The following SNCB variants were observed in gnomAD, a reference collection of about 807,000 sequenced individuals.
SNCB encodes synuclein beta, also known as beta-synuclein.
A neutral mutation model predicts 20.0 loss-of-function variants in SNCB; 8 were observed. The ratio of observed to expected loss-of-function variants is 0.40; its 90% CI spans 0.24 to 0.72. SNCB has a LOEUF of 0.72. Ranked by LOEUF, SNCB falls within the 30% of genes least tolerant of loss-of-function variation. The pLI, the probability that SNCB is intolerant of heterozygous loss-of-function variation, is 0.37. For synonymous variants in SNCB, 56 were observed against 65.4 expected, an observed-to-expected ratio of 0.86 and a Z score of 0.69; for missense variants, 125 against 168.0, an observed-to-expected ratio of 0.74 and a Z score of 1.41.
Position 176,626,833 on chromosome 5 carries a change from ATTACAGAGTGGGCATCCT to A in SNCB, c.122-90_122-73del. 6.5e-7 allele frequency: 1 copy of A among 1,541,736 alleles called. No individual in the cohort carries two copies. Among genetic ancestry groups the A allele is most frequent in the African/African-American group, 1.4e-5 (1 of 73,558 alleles). The stretch of plus-strand genomic sequence containing the variant: ...ACAGAAACTCCAGCACAGCATGGTG[ATTACAGAGTGGGCATCCT>A]GGCCCCGTCACTGCCTCCTTGGGTC... On this transcript the variant is annotated intron_variant, in intron 2 of 5. Transcript: ENST00000393693. This position sits in a 1 kb window ranked among gnomAD's most constrained non-coding sequence, Gnocchi z 4.2.
rs1759583068 is a variant in SNCB, at chr5:176,621,334, G to A, written c.283-31C>T. ...GGCAGAAAAGGTCAGGACTCGTGAG[G>A]ACAGCCAGGATGCCCCCCAAATTCC... On this transcript the variant is annotated intron_variant, in intron 4 of 5. Coordinates refer to ENST00000393693, the MANE Select transcript of SNCB (RefSeq NM_003085.5). The surrounding 1 kb of genome is among the most constrained non-coding windows in gnomAD (Gnocchi z 4.1). 6.3e-7 allele frequency: 1 copy of A among 1,579,904 alleles called. No individual in the cohort carries two copies. Among genetic ancestry groups the A allele is most frequent in the Non-Finnish European group, 8.7e-7 (1 of 1,155,076 alleles).
intron 4 of SNCB, among the ~76,000 whole-genome samples, chr5:176,625,833 T>C (rs572257336): frequency 2.2e-4 from 34 of 152,264 alleles, no homozygotes; most frequent in Admixed American, 2.2e-3. Flanking sequence ...GGGTGTCAGC[T>C]CAAATGGTTC....
chr5:176,620,394 TA>T lies in SNCB; in HGVS notation c.*416del, dbSNP rs566553148. 0.043 allele frequency: 7,366 copies of T among 171,960 alleles called. 99 individuals carry two copies. The highest frequency in any genetic ancestry group is 0.11 in the Admixed American group (1,898 of 16,772). 10.7% of individuals were successfully genotyped at this position (171,960 alleles called of 1,614,324 possible). On this transcript the variant is annotated 3_prime_UTR_variant, in exon 6 of 6. Coordinates refer to ENST00000393693, the MANE Select transcript of SNCB (RefSeq NM_003085.5). The surrounding 1 kb of genome is among the most constrained non-coding windows in gnomAD (Gnocchi z 4.5). Reference sequence around the variant, plus strand: ...GCACAGCCTGGCTCCTGGTTTTGGTTAAAAAAAAAAAGGTTCTCGAGGTTAA... The same window carrying T: ...GCACAGCCTGGCTCCTGGTTTTGGTTAAAAAAAAAAGGTTCTCGAGGTTAA...
At chr5:176,628,388 C>T (rs1307105695) in intron 2 of SNCB, among the ~76,000 whole-genome samples, 3 of 152,296 alleles carry the variant, frequency 2.0e-5, no homozygotes, top group African/African-American at 7.2e-5. Flanking sequence ...CCCCTGCCAC[C>T]CTCATCCTGT....
intron 4 of SNCB, among the ~76,000 whole-genome samples, chr5:176,625,370 A>C (rs923322): frequency 0.99 from 150,186 of 152,338 alleles, 74,068 homozygotes; most frequent in Middle Eastern, 1. Flanking sequence ...ATGGGGCCAA[A>C]AATCTGTATT....
chr5:176,622,910 T>A (rs181221665), intron 4 of SNCB, among the ~76,000 whole-genome samples: 15 of 151,912 alleles, frequency 9.9e-5, no homozygotes, highest in Non-Finnish European at 2.1e-4. Context: ...CTAATTTTTG[T>A]ATTTTTAGTA....
In SNCB at chr5:176,629,755, G is replaced by C; in HGVS notation, c.-9-92C>G. 2 of 1,496,362 alleles carry C rather than the reference G, an allele frequency of 1.3e-6. No homozygotes were observed. The highest frequency in any genetic ancestry group is 1.8e-6 in the Non-Finnish European group (2 of 1,113,778). The allele number at this position is 1,496,362 out of a possible 1,614,324, so 92.7% of individuals were successfully genotyped here. ...GACGCAGATGCCCCCCTACTCCCGA[G>C]ACCGCGGCGCCCTTCTGGACCCTGA... On this transcript the variant is annotated intron_variant, in intron 1 of 5. Coordinates refer to ENST00000393693, the MANE Select transcript of SNCB (RefSeq NM_003085.5). This position sits in a 1 kb window ranked among gnomAD's most constrained non-coding sequence, Gnocchi z 4.1.
chr5:176,624,838 G>A (rs1759843642), intron 4 of SNCB, among the ~76,000 whole-genome samples: 1 of 148,344 alleles, frequency 6.7e-6, no homozygotes, highest in Admixed American at 6.8e-5. Context: ...CAAATGGGAA[G>A]TCATACAGAT....
chr5:176,622,198 C>T (rs572486501), intron 4 of SNCB, among the ~76,000 whole-genome samples: 5 of 152,370 alleles, frequency 3.3e-5, no homozygotes, highest in Admixed American at 6.5e-5. Context: ...ACATGAGTTT[C>T]CAGCTCCTGA....
At position 176,621,213 on chromosome 5, in the gene SNCB, C is replaced by T. The variant is rs1456684195; in HGVS notation, c.372+1G>A. 2 of 1,610,840 alleles carry T rather than the reference C, an allele frequency of 1.2e-6. No individual in the cohort carries two copies. Among genetic ancestry groups the T allele is most frequent in the Non-Finnish European group, 1.7e-6 (2 of 1,177,994 alleles). On this transcript the variant is annotated splice_donor_variant, in intron 5 of 5. Coordinates refer to ENST00000393693, the MANE Select transcript of SNCB (RefSeq NM_003085.5). LOFTEE classifies it high-confidence loss of function. The surrounding 1 kb of genome is among the most constrained non-coding windows in gnomAD (Gnocchi z 4.1). ...CCCGCCCAGCCCTGCTGCCCCCTCA[C>T]CTGGGGTGGGTCCTCATAACTCTCC...
rs1561893804 is a variant in SNCB, at chr5:176,620,470, C to T, written c.*341G>A. The T allele has an allele frequency of 2.8e-5, 10 of 351,174 alleles. No homozygotes were observed. The allele number at this position is 351,174 out of a possible 1,614,324, so 21.8% of individuals were successfully genotyped here. A position where few individuals can be genotyped will look rare whatever the true frequency, so the allele number is the denominator to read the frequency against. On this transcript the variant is annotated 3_prime_UTR_variant, in exon 6 of 6. Transcript: ENST00000393693. This position sits in a 1 kb window ranked among gnomAD's most constrained non-coding sequence, Gnocchi z 4.5. ...GGCTGCCCGGGGGCCGCTTGGAGAG[C>T]CACTGTCGGGGATCGGGGAGGAGCC... is the stretch of plus-strand genomic sequence containing the variant.
chr5:176,629,509 C>A lies in SNCB; in HGVS notation c.121+25G>T, dbSNP rs1459143730. 1 of 1,611,172 alleles carries A rather than the reference C, an allele frequency of 6.2e-7. No individual in the cohort carries two copies. Among genetic ancestry groups the A allele is most frequent in the South Asian group, 1.1e-5 (1 of 90,728 alleles). On this transcript the variant is annotated intron_variant, in intron 2 of 5. Coordinates refer to ENST00000393693, the MANE Select transcript of SNCB (RefSeq NM_003085.5). This position sits in a 1 kb window ranked among gnomAD's most constrained non-coding sequence, Gnocchi z 4.1. ...GTCGGGGGACCCCCAGCCCTGCAGCCCCAGAAACCCCGCCCCTTACCCACC... is the reference window on the plus strand; with the variant it reads ...GTCGGGGGACCCCCAGCCCTGCAGCACCAGAAACCCCGCCCCTTACCCACC...
chr5:176,629,283 C>T lies in SNCB; in HGVS notation c.121+251G>A, dbSNP rs1009687445. Among the ~76,000 whole-genome samples the T allele has an allele frequency of 2.6e-5, 4 of 152,200 alleles. No individual in the cohort carries two copies. The highest frequency in any genetic ancestry group is 4.4e-5 in the Non-Finnish European group (3 of 68,044). ...TAAGAAAAAGGAGGCTGTCTGCTTT[C>T]ATCACTGCACTGGTCCCTGGCCTTT... is the stretch of plus-strand genomic sequence containing the variant. On this transcript the variant is annotated intron_variant, in intron 2 of 5. Coordinates refer to ENST00000393693, the MANE Select transcript of SNCB (RefSeq NM_003085.5). This position sits in a 1 kb window ranked among gnomAD's most constrained non-coding sequence, Gnocchi z 4.1.
intron 2 of SNCB, among the ~76,000 whole-genome samples, chr5:176,628,940 A>G (rs568569764): frequency 6.6e-6 from 1 of 152,342 alleles, no homozygotes; most frequent in South Asian, 2.1e-4. Flanking sequence ...GAGAGCTGGC[A>G]AAGGTAAAAC....
intron 4 of SNCB, among the ~76,000 whole-genome samples, chr5:176,625,434 T>C (rs1759880079): frequency 6.6e-6 from 1 of 152,240 alleles, no homozygotes; most frequent in African/African-American, 2.4e-5. Context: ...AATATCTATA[T>C]TATCTCCAAT....
chr5:176,622,837 A>G (rs1315813028), intron 4 of SNCB, among the ~76,000 whole-genome samples: 2 of 145,526 alleles, frequency 1.4e-5, no homozygotes, highest in African/African-American at 5.1e-5. Context: ...CCTGGGTTCC[A>G]GCGATTCTCC....
Position 176,621,324 on chromosome 5 carries a change from G to A in SNCB, c.283-21C>T, listed in dbSNP as rs1044980969. The A allele has an allele frequency of 6.3e-7, 1 of 1,596,830 alleles. No homozygotes were observed. The highest frequency in any genetic ancestry group is 8.6e-7 in the Non-Finnish European group (1 of 1,168,080). On this transcript the variant is annotated intron_variant, in intron 4 of 5. Transcript: ENST00000393693. This position sits in a 1 kb window ranked among gnomAD's most constrained non-coding sequence, Gnocchi z 4.1. ...TCTGGCTGTGGGCAGAAAAGGTCAG[G>A]ACTCGTGAGGACAGCCAGGATGCCC...
rs1379470023 is a variant in SNCB at position 176,629,575 on chromosome 5, G to C, written c.80C>G (p.Thr27Ser). 1 of 1,613,424 alleles carries C rather than the reference G, an allele frequency of 6.2e-7. No homozygotes were observed. Among genetic ancestry groups the C allele is most frequent in the Non-Finnish European group, 8.5e-7 (1 of 1,179,792 alleles). The change falls in exon 2 of 6, where the codon ACC becomes AGC. Residue 27 changes from threonine to serine, a missense_variant. By Grantham distance (58) the Thr-to-Ser change is moderately conservative. Coordinates refer to ENST00000393693, the MANE Select transcript of SNCB (RefSeq NM_003085.5). The surrounding 1 kb of genome is among the most constrained non-coding windows in gnomAD (Gnocchi z 4.1). ...CTCCTTGGTCTTCTCCGCCGCCTCG[G>C]TGACCCCCTGCTTGGTTTTCTCCGC... is the stretch of plus-strand genomic sequence containing the variant. ...AAAEKTKQGV[T>S]EAAEKTKEGV...
rs767524046 is a variant in SNCB at position 176,626,645 on chromosome 5, G to A, written c.163+75C>T. The A allele has an allele frequency of 9.6e-6, 15 of 1,561,692 alleles. No individual in the cohort carries two copies. In the Middle Eastern group the frequency reaches 5.0e-4, roughly 52 times the overall value. On this transcript the variant is annotated intron_variant, in intron 3 of 5. Coordinates refer to ENST00000393693, the MANE Select transcript of SNCB (RefSeq NM_003085.5). This position sits in a 1 kb window ranked among gnomAD's most constrained non-coding sequence, Gnocchi z 4.2. ...CGCAGAAGCCTTGGGAGTCTCCCCCGCCCCCGCCCTCTGGTTCCCGGCCAG... is the reference window on the plus strand; with the variant it reads ...CGCAGAAGCCTTGGGAGTCTCCCCCACCCCCGCCCTCTGGTTCCCGGCCAG...
Sources: gnomAD v4.1 joint callset for allele counts (sites outside exome capture counted in the v4.1 genomes callset) on GRCh38, gnomAD v4.1.1 for gene constraint, Gnocchi (gnomAD v3.1) non-coding constraint, MANE v1.5 for transcripts, NCBI Gene and HGNC (gene_info 2026-07-23, HGNC 2026-07-21) for gene names.